WWOX: variants seen among roughly 807,000 people sequenced by gnomAD.
The protein encoded by WWOX is WW domain containing oxidoreductase, also known as WW domain-containing oxidoreductase.
A neutral mutation model predicts 46.2 loss-of-function variants in WWOX; 69 were observed. The observed-to-expected ratio is 1.49, with a 90% confidence interval of 1.23 to 1.82. The LOEUF (loss-of-function observed/expected upper bound fraction) is 1.82. Among genes scored for constraint, WWOX ranks in the 40% most tolerant of loss-of-function variants. WWOX has a pLI of 0.00. For synonymous variants in WWOX, 359 were observed against 202.6 expected (o/e 1.77, Z -6.56); for missense variants, 919 against 542.6 (o/e 1.69, Z -6.89).
intron 8 of WWOX, among the ~76,000 whole-genome samples, chr16:78,877,229 G>C (rs1008080705): frequency 6.6e-6 from 1 of 152,060 alleles, no homozygotes; most frequent in African/African-American, 2.4e-5. Context: ...TGATTAAAAG[G>C]CAAAATCGTC....
intron 8 of WWOX, among the ~76,000 whole-genome samples, chr16:78,809,951 C>T (rs1356449693): frequency 2.0e-5 from 3 of 152,184 alleles, no homozygotes; most frequent in Non-Finnish European, 2.9e-5. Flanking sequence ...CCTTAGGGGA[C>T]CCTTGGTATC....
rs145247873 is a variant in WWOX, at chr16:78,914,661, C to T, written c.1057-296947C>T. ...TTGGGAGGCGGAGGCGGGCAGATCA[C>T]GAGGTCAGGAGATCCAGACTATCCT... On this transcript the variant is annotated intron_variant, in intron 8 of 8. Transcript: ENST00000566780. Among the ~76,000 whole-genome samples the T allele has an allele frequency of 1.2e-4, 18 of 151,844 alleles. 1 individual carries two copies. The highest frequency in any genetic ancestry group is 3.9e-4 in the Admixed American group (6 of 15,238).
At chr16:78,907,913 G>C (rs2045008222) in intron 8 of WWOX, among the ~76,000 whole-genome samples, 2 of 152,140 alleles carry the variant, frequency 1.3e-5, no homozygotes, top group Non-Finnish European at 2.9e-5. Flanking sequence ...AACTGCAAGG[G>C]GCTTTGGTGA....
chr16:78,635,197 G>A (rs1220090790), intron 8 of WWOX, among the ~76,000 whole-genome samples: 2 of 152,174 alleles, frequency 1.3e-5, no homozygotes, highest in Non-Finnish European at 2.9e-5. Flanking sequence ...CTCAGGATTT[G>A]CTGGGGTCTG....
intron 8 of WWOX, chr16:78,691,249 A>G (rs1288330344): frequency 1.3e-5 from 9 of 702,108 alleles, no homozygotes; most frequent in Non-Finnish European, 2.3e-5. Flanking sequence ...CAGGTTTCAG[A>G]CTGCCTGGTA....
chr16:78,463,026 C>T (rs2083989385), intron 8 of WWOX, among the ~76,000 whole-genome samples: 1 of 152,192 alleles, frequency 6.6e-6, no homozygotes, highest in Admixed American at 6.5e-5. Context: ...TGCACACTGG[C>T]TTTGAGGCTC....
intron 8 of WWOX, among the ~76,000 whole-genome samples, chr16:79,025,294 C>A (rs1232873773): frequency 6.6e-6 from 1 of 152,114 alleles, no homozygotes; most frequent in Non-Finnish European, 1.5e-5. Context: ...GACAGTAGCC[C>A]TTTGGGTTCG....
chr16:78,960,501 A>C (rs1472529955), intron 8 of WWOX, among the ~76,000 whole-genome samples: 1 of 152,242 alleles, frequency 6.6e-6, no homozygotes, highest in Non-Finnish European at 1.5e-5. Context: ...TGGAGATTAC[A>C]ACTGCCTCAT....
intron 5 of WWOX, among the ~76,000 whole-genome samples, chr16:78,247,895 C>T (rs769685851): frequency 2.6e-5 from 4 of 152,152 alleles, no homozygotes; most frequent in Admixed American, 6.5e-5. Context: ...GGAGCCTTGG[C>T]GATCCATAGC....
At chr16:78,699,147 C>A (rs1234018839) in intron 8 of WWOX, among the ~76,000 whole-genome samples, 1 of 152,170 alleles carries the variant, frequency 6.6e-6, no homozygotes, top group Non-Finnish European at 1.5e-5. Flanking sequence ...TCCAGTAAAA[C>A]TTTATTTATA....
At chr16:78,925,607 A>G (rs766972501) in intron 8 of WWOX, among the ~76,000 whole-genome samples, 3 of 152,220 alleles carry the variant, frequency 2.0e-5, no homozygotes, top group Non-Finnish European at 4.4e-5. Context: ...TGCACATTTT[A>G]AAATATATTT....
At chr16:78,788,708 C>A (rs4888850) in intron 8 of WWOX, among the ~76,000 whole-genome samples, 2 of 152,128 alleles carry the variant, frequency 1.3e-5, no homozygotes, top group Admixed American at 6.5e-5. Flanking sequence ...GTCATCTGCT[C>A]CAGCAAATTA....
chr16:78,450,528 T>C (rs2083667097), intron 8 of WWOX, among the ~76,000 whole-genome samples: 1 of 152,230 alleles, frequency 6.6e-6, no homozygotes, highest in Non-Finnish European at 1.5e-5. Context: ...AAAAAAATAC[T>C]GTGTATCAAC....
intron 8 of WWOX, among the ~76,000 whole-genome samples, chr16:78,622,443 G>A (rs1380643560): frequency 6.6e-6 from 1 of 151,932 alleles, no homozygotes; most frequent in Non-Finnish European, 1.5e-5. Flanking sequence ...ACAGGAGGCT[G>A]AGACTTAAGA....
intron 8 of WWOX, among the ~76,000 whole-genome samples, chr16:79,035,089 CA>C (rs1345023025): frequency 1.3e-5 from 2 of 152,126 alleles, no homozygotes; most frequent in Non-Finnish European, 2.9e-5. Flanking sequence ...GTGAAACAAA[CA>C]AACAAATAAA....
intron 8 of WWOX, among the ~76,000 whole-genome samples, chr16:78,842,035 T>C (rs1597705587): frequency 1.3e-5 from 2 of 152,120 alleles, no homozygotes; most frequent in East Asian, 3.9e-4. Context: ...GTAATTGGCA[T>C]CTCCCCTTCA....
chr16:79,076,824 T>C (rs1304091347), intron 8 of WWOX, among the ~76,000 whole-genome samples: 1 of 152,260 alleles, frequency 6.6e-6, no homozygotes, highest in Non-Finnish European at 1.5e-5. Context: ...ATGAAACTGC[T>C]TAACGCATGT....
At chr16:78,431,943 T>C (rs1001756623) in intron 7 of WWOX, among the ~76,000 whole-genome samples, 1 of 152,108 alleles carries the variant, frequency 6.6e-6, no homozygotes, top group Non-Finnish European at 1.5e-5. Context: ...CTTGAACTCC[T>C]ACACTCAAGC....
At chr16:79,153,053 G>A (rs115496563) in intron 8 of WWOX, among the ~76,000 whole-genome samples, 1 of 152,144 alleles carries the variant, frequency 6.6e-6, no homozygotes, top group Non-Finnish European at 1.5e-5. Context: ...CAGAGCGAGC[G>A]GAGGCCTGGT....
Sources: gnomAD v4.1 joint callset for allele counts (sites outside exome capture counted in the v4.1 genomes callset) on GRCh38, gnomAD v4.1.1 for gene constraint, MANE v1.5 for transcripts, NCBI Gene and HGNC (gene_info 2026-07-23, HGNC 2026-07-21) for gene names.